The following KIF26B variants were observed in gnomAD, a reference collection of about 807,000 sequenced individuals.
KIF26B encodes the protein kinesin-like protein KIF26B.
Under a neutral mutation model 151.2 loss-of-function variants are expected in KIF26B, and 63 were observed. That is an observed-to-expected ratio of 0.42 (90% CI 0.34 to 0.51). The LOEUF (loss-of-function observed/expected upper bound fraction) is 0.51, where lower values mean the gene tolerates loss of function less well. Ranked by LOEUF, KIF26B falls within the 20% of genes least tolerant of loss-of-function variation. The probability of loss-of-function intolerance (pLI) is 0.07; values close to 1 mark genes in which losing one functional copy is unlikely to be tolerated. For synonymous variants in KIF26B, 1,357 were observed against 1,262.1 expected, an observed-to-expected ratio of 1.08 and a Z score of -1.59; for missense variants, 2,813 against 2,913.6, an observed-to-expected ratio of 0.97 and a Z score of 0.79.
intron 10 of KIF26B, among the ~76,000 whole-genome samples, chr1:245,665,672 A>G (rs2044204637): frequency 1.3e-5 from 2 of 152,166 alleles, no homozygotes; most frequent in African/African-American, 2.4e-5. Flanking sequence ...GGTACATTTC[A>G]GCATAATAAG....
At chr1:245,209,448 T>C (rs1444918357) in intron 2 of KIF26B, among the ~76,000 whole-genome samples, 1 of 151,558 alleles carries the variant, frequency 6.6e-6, no homozygotes, top group East Asian at 1.9e-4. Flanking sequence ...CATTAACAAA[T>C]GGATGAATCA....
chr1:245,361,080 T>C (rs1672807915), intron 2 of KIF26B, among the ~76,000 whole-genome samples: 1 of 152,222 alleles, frequency 6.6e-6, no homozygotes, highest in African/African-American at 2.4e-5. Context: ...GAACTGTTCT[T>C]AATCATGTTA....
At chr1:245,569,184 A>G (rs2043039832) in intron 5 of KIF26B, among the ~76,000 whole-genome samples, 3 of 152,160 alleles carry the variant, frequency 2.0e-5, no homozygotes, top group African/African-American at 7.2e-5. Context: ...TAAGCAAGTA[A>G]CCACTTTGTT....
Position 245,691,643 on chromosome 1 carries a change from C to T in KIF26B, c.5824+2836C>T, listed in dbSNP as rs371525268. ...TTCCTAACTAGATGGCTAGAGTTTA[C>T]AATTATGAGAGGTGTTTGGAACCAG... On this transcript the variant is annotated intron_variant, in intron 12 of 14. Coordinates refer to ENST00000407071, the MANE Select transcript of KIF26B (RefSeq NM_018012.4). Among the ~76,000 whole-genome samples the T allele has an allele frequency of 1.4e-4, 22 of 152,280 alleles. No homozygotes were observed. The East Asian group carries it at 3.7e-3, about 25-fold the overall frequency.
At position 245,244,647 on chromosome 1, in the gene KIF26B, C is replaced by T. The variant is rs1670280228; in HGVS notation, c.465+87964C>T. ...CCCTCCCCTGACTTCCAATGTGACACCCGTCTTCTCTGTCCTCTCTCTTCA... is the reference window on the plus strand; with the variant it reads ...CCCTCCCCTGACTTCCAATGTGACATCCGTCTTCTCTGTCCTCTCTCTTCA... On this transcript the variant is annotated intron_variant, in intron 2 of 14. Transcript: ENST00000407071. The surrounding 1 kb of genome is among the most constrained non-coding windows in gnomAD (Gnocchi z 4.2). Among the ~76,000 whole-genome samples the T allele has an allele frequency of 6.6e-6, 1 of 152,002 alleles. No individual in the cohort carries two copies. The highest frequency in any genetic ancestry group is 2.4e-5 in the African/African-American group (1 of 41,370).
rs200388517 is a variant in KIF26B at position 245,401,869 on chromosome 1, CCAAA to C, written c.1000-17693_1000-17690del. ...TGGGAGACAGAGCGAGATTCCATCT[CCAAA>C]CAAACAAACAAACAAAGAAACACAC... On this transcript the variant is annotated intron_variant, in intron 3 of 14. Transcript: ENST00000407071. Among the ~76,000 whole-genome samples, 18 of 118,416 alleles carry C rather than the reference CCAAA, an allele frequency of 1.5e-4. No individual in the cohort carries two copies. In the East Asian group the frequency reaches 5.3e-3, roughly 35 times the overall value. 77.7% of individuals were successfully genotyped at this position (118,416 alleles called of 152,430 possible). A position where few individuals can be genotyped will look rare whatever the true frequency, so the allele number is the denominator to read the frequency against.
At chr1:245,484,832 C>T (rs774831594) in intron 4 of KIF26B, among the ~76,000 whole-genome samples, 12 of 150,932 alleles carry the variant, frequency 8.0e-5, no homozygotes, top group East Asian at 1.9e-4. Context: ...CCAAGAGAGT[C>T]GATTTGTGTG....
chr1:245,621,437 A>G (rs2043658615), intron 9 of KIF26B, among the ~76,000 whole-genome samples: 2 of 152,204 alleles, frequency 1.3e-5, no homozygotes, highest in South Asian at 4.1e-4. Flanking sequence ...CAGGTGCTTA[A>G]TAAAGTGTGG....
chr1:245,682,856 G>A (rs1163491892), intron 10 of KIF26B, among the ~76,000 whole-genome samples: 3 of 152,198 alleles, frequency 2.0e-5, no homozygotes, highest in South Asian at 2.1e-4. Flanking sequence ...GCGGCTGTCC[G>A]TGGGTTTCTG....
At chr1:245,256,793 T>A (rs2103567969) in intron 2 of KIF26B, among the ~76,000 whole-genome samples, 1 of 152,260 alleles carries the variant, frequency 6.6e-6, no homozygotes, top group African/African-American at 2.4e-5. Context: ...TTTGTAGCAA[T>A]GAGATACCAA....
At chr1:245,408,375 A>AG (rs1674190444) in intron 3 of KIF26B, among the ~76,000 whole-genome samples, 1 of 125,020 alleles carries the variant, frequency 8.0e-6, no homozygotes, top group African/African-American at 2.8e-5. Flanking sequence ...TTTTTTTTGA[A>AG]ACACAGTCTT....
chr1:245,411,893 G>A (rs956951817), intron 3 of KIF26B, among the ~76,000 whole-genome samples: 8 of 152,280 alleles, frequency 5.3e-5, no homozygotes, highest in Middle Eastern at 3.4e-3. Context: ...GGTGCCCTCC[G>A]TCCATCATCG....
chr1:245,422,485 A>T (rs935121726), intron 4 of KIF26B, among the ~76,000 whole-genome samples: 1 of 152,138 alleles, frequency 6.6e-6, no homozygotes, highest in African/African-American at 2.4e-5. Context: ...CCAGGGATGT[A>T]CCTGACAGTT....
intron 5 of KIF26B, among the ~76,000 whole-genome samples, chr1:245,565,192 T>C (rs2042997193): frequency 6.6e-6 from 1 of 152,192 alleles, no homozygotes; most frequent in South Asian, 2.1e-4. Flanking sequence ...TATGGTGATA[T>C]TTTATAGCGC....
chr1:245,666,136 G>A lies in KIF26B; in HGVS notation c.2259-18097G>A, dbSNP rs563029087. ...CTCCCTCAGCCTCCCAAGTGGCTGG[G>A]ATTACAGGCAGGTGCCACCACACTT... is the stretch of plus-strand genomic sequence containing the variant. On this transcript the variant is annotated intron_variant, in intron 10 of 14. Transcript: ENST00000407071. 6.6e-5 allele frequency among the ~76,000 whole-genome samples: 10 copies of A among 151,416 alleles called. 1 individual carries two copies. The highest frequency in any genetic ancestry group is 1.5e-4 in the Non-Finnish European group (10 of 67,966).
At chr1:245,692,703 T>C (rs530166301) in intron 12 of KIF26B, among the ~76,000 whole-genome samples, 2 of 152,324 alleles carry the variant, frequency 1.3e-5, no homozygotes, top group African/African-American at 2.4e-5. Flanking sequence ...ATATTCTACA[T>C]AGTTCTAAAA....
intron 4 of KIF26B, among the ~76,000 whole-genome samples, chr1:245,442,680 T>C (rs182203253): frequency 6.7e-6 from 1 of 150,188 alleles, no homozygotes; most frequent in East Asian, 2.0e-4. Flanking sequence ...CCTGCAGTCA[T>C]CTCCCTCACT....
At chr1:245,233,557 T>G (rs1009389195) in intron 2 of KIF26B, among the ~76,000 whole-genome samples, 5 of 152,120 alleles carry the variant, frequency 3.3e-5, no homozygotes, top group Non-Finnish European at 7.4e-5. Flanking sequence ...TGTATGTACA[T>G]AAAGTGTGAG....
chr1:245,285,111 C>G (rs1449285550), intron 2 of KIF26B, among the ~76,000 whole-genome samples: 2 of 152,232 alleles, frequency 1.3e-5, no homozygotes. Context: ...CAGTTAGGGT[C>G]TGCTGGTCCA....
Sources: gnomAD v4.1 joint callset for allele counts (sites outside exome capture counted in the v4.1 genomes callset) on GRCh38, gnomAD v4.1.1 for gene constraint, Gnocchi (gnomAD v3.1) non-coding constraint, MANE v1.5 for transcripts, NCBI Gene and HGNC (gene_info 2026-07-23, HGNC 2026-07-21) for gene names.